ERBB4: variants seen among roughly 807,000 people sequenced by gnomAD.
The protein encoded by ERBB4 is receptor tyrosine-protein kinase erbB-4.
Under a neutral mutation model 158.0 loss-of-function variants are expected in ERBB4, and 42 were observed. The ratio of observed to expected loss-of-function variants is 0.27; its 90% CI spans 0.21 to 0.34. The LOEUF is 0.34. Ranked by LOEUF, ERBB4 falls within the 10% of genes least tolerant of loss-of-function variation. The pLI, the probability that ERBB4 is intolerant of heterozygous loss-of-function variation, is 1.00. For missense variants in ERBB4, 1,333 were observed against 1,624.1 expected (o/e 0.82, Z 3.08); for synonymous variants, 583 against 558.7 (o/e 1.04, Z -0.61).
At chr2:212,145,160 T>C (rs1219978849) in intron 1 of ERBB4, among the ~76,000 whole-genome samples, 1 of 152,104 alleles carries the variant, frequency 6.6e-6, no homozygotes, top group Non-Finnish European at 1.5e-5. Context: ...GTTTAAAAAT[T>C]GTAGTTAAAA....
chr2:211,987,735 T>A (rs185062508), intron 2 of ERBB4, among the ~76,000 whole-genome samples: 102 of 152,310 alleles, frequency 6.7e-4, no homozygotes, highest in African/African-American at 2.4e-3. Context: ...TTATTTCCAA[T>A]ACTCACAATG....
At chr2:211,549,391 G>T (rs1301802998) in intron 20 of ERBB4, among the ~76,000 whole-genome samples, 1 of 152,022 alleles carries the variant, frequency 6.6e-6, no homozygotes, top group Non-Finnish European at 1.5e-5. Flanking sequence ...GAGGGGGCTG[G>T]TAGTGGGATT....
intron 3 of ERBB4, among the ~76,000 whole-genome samples, chr2:211,898,274 T>C (rs2079150847): frequency 6.6e-6 from 1 of 152,290 alleles, no homozygotes; most frequent in East Asian, 1.9e-4. Flanking sequence ...TTATCTAAGA[T>C]AGTTTAATCA....
chr2:211,707,405 C>T (rs1475471169), intron 9 of ERBB4, among the ~76,000 whole-genome samples: 6 of 152,112 alleles, frequency 3.9e-5, no homozygotes, highest in East Asian at 1.9e-4. Flanking sequence ...AAGAACACTA[C>T]GTCTACCGTG....
intron 20 of ERBB4, among the ~76,000 whole-genome samples, chr2:211,490,368 A>C (rs145400591): frequency 1.1e-4 from 16 of 152,082 alleles, no homozygotes; most frequent in African/African-American, 3.9e-4. Context: ...TTTTTCCTTG[A>C]TAGCCTTTCT....
chr2:212,379,711 G>T (rs2090440155), intron 1 of ERBB4, among the ~76,000 whole-genome samples: 1 of 151,308 alleles, frequency 6.6e-6, no homozygotes. Context: ...CAATGAGAAA[G>T]AATCTTAAAA....
At chr2:211,670,711 G>C (rs890621504) in intron 14 of ERBB4, among the ~76,000 whole-genome samples, 3 of 152,062 alleles carry the variant, frequency 2.0e-5, no homozygotes, top group African/African-American at 7.2e-5. Context: ...TGGAAAAATG[G>C]GAGTAATACC....
intron 19 of ERBB4, among the ~76,000 whole-genome samples, chr2:211,574,299 C>G (rs1472466027): frequency 6.6e-6 from 1 of 152,196 alleles, no homozygotes; most frequent in Non-Finnish European, 1.5e-5. Flanking sequence ...CTAGCAGTAT[C>G]TCTTCCCATC....
At chr2:212,191,545 GTGTTATGCCTGTTATATATAACACA>G (rs2082200513) in intron 1 of ERBB4, among the ~76,000 whole-genome samples, 1 of 20,332 alleles carries the variant, frequency 4.9e-5, no homozygotes, top group African/African-American at 1.5e-4. Context: ...TATAACACAT[GTGTTATGCCTGTTATATATAACACA>G]TGTGTTATGC....
At chr2:212,033,896 A>G (rs2076957416) in intron 2 of ERBB4, among the ~76,000 whole-genome samples, 1 of 151,976 alleles carries the variant, frequency 6.6e-6, no homozygotes. Context: ...ATGAAATAGT[A>G]TAAGGAAAAT....
intron 3 of ERBB4, among the ~76,000 whole-genome samples, chr2:211,881,295 G>A (rs1311654982): frequency 6.6e-6 from 1 of 152,174 alleles, no homozygotes; most frequent in East Asian, 1.9e-4. Flanking sequence ...TAGGCAGATA[G>A]TGAGGGCAAA....
At chr2:211,639,530 T>C (rs1246717636) in intron 16 of ERBB4, among the ~76,000 whole-genome samples, 1 of 152,174 alleles carries the variant, frequency 6.6e-6, no homozygotes, top group Non-Finnish European at 1.5e-5. Context: ...ATTTAAAAAG[T>C]TTTCTTCGCC....
At chr2:211,991,913 T>C (rs2082082865) in intron 2 of ERBB4, among the ~76,000 whole-genome samples, 1 of 152,148 alleles carries the variant, frequency 6.6e-6, no homozygotes, top group African/African-American at 2.4e-5. Context: ...CAGGCTATGT[T>C]GAGGCACAGC....
In ERBB4 at chr2:212,286,594, C is replaced by CTTTTTTTTTTTT. The variant is rs71054190; in HGVS notation, c.83-161703_83-161692dup. Among the ~76,000 whole-genome samples the CTTTTTTTTTTTT allele has an allele frequency of 1.1e-4, 6 of 55,540 alleles. 1 individual carries two copies. Among genetic ancestry groups the CTTTTTTTTTTTT allele is most frequent in the African/African-American group, 2.9e-4 (5 of 17,236 alleles). The allele number at this position is 55,540 out of a possible 152,430, so 36.4% of individuals were successfully genotyped here. ...AATGAGATGATTACATAAGTGCTGA[C>CTTTTTTTTTTTT]TTTTTTTTTTTTTTTTTTTTTTTTT... On this transcript the variant is annotated intron_variant, in intron 1 of 27. Transcript: ENST00000342788.
At chr2:211,574,589 T>C (rs896155981) in intron 19 of ERBB4, among the ~76,000 whole-genome samples, 1 of 152,118 alleles carries the variant, frequency 6.6e-6, no homozygotes, top group Non-Finnish European at 1.5e-5. Context: ...AGAATTGATG[T>C]GAAAAATTCT....
At chr2:212,270,277 A>T (rs1390538917) in intron 1 of ERBB4, among the ~76,000 whole-genome samples, 1 of 151,804 alleles carries the variant, frequency 6.6e-6, no homozygotes, top group Non-Finnish European at 1.5e-5. Context: ...GCTAATAAAA[A>T]ACTTAAAATG....
At chr2:212,144,186 T>C (rs1281348948) in intron 1 of ERBB4, among the ~76,000 whole-genome samples, 2 of 152,166 alleles carry the variant, frequency 1.3e-5, no homozygotes, top group South Asian at 2.1e-4. Context: ...GTGATTTTAC[T>C]TTGAACGTGA....
intron 1 of ERBB4, among the ~76,000 whole-genome samples, chr2:212,256,885 C>G (rs1376942812): frequency 2.0e-5 from 3 of 152,024 alleles, no homozygotes; most frequent in Non-Finnish European, 4.4e-5. Flanking sequence ...TGGAAGGGGA[C>G]CTGTTAGAAC....
intron 2 of ERBB4, among the ~76,000 whole-genome samples, chr2:212,077,616 GGT>G (rs1381383467): frequency 1.3e-5 from 2 of 151,882 alleles, no homozygotes; most frequent in African/African-American, 4.8e-5. Flanking sequence ...TAGAAGGCAG[GGT>G]AGTTGTCACC....
Sources: allele counts gnomAD v4.1 joint callset (sites outside exome capture counted in the v4.1 genomes callset), GRCh38; gene constraint gnomAD v4.1.1; transcripts MANE v1.5; gene names NCBI Gene and HGNC (gene_info 2026-07-23, HGNC 2026-07-21).